CCDC170: variants seen among roughly 807,000 people sequenced by gnomAD.
The protein encoded by CCDC170 is coiled-coil domain-containing protein 170.
CCDC170 carries 69 observed loss-of-function variants against 72.6 expected under a neutral mutation model. The ratio of observed to expected loss-of-function variants is 0.95; its 90% CI spans 0.78 to 1.16. The LOEUF is 1.16. Ranked by LOEUF, CCDC170 falls within the 50% of genes most tolerant of loss-of-function variation. The probability of loss-of-function intolerance (pLI) is 0.00; values close to 1 mark genes in which losing one functional copy is unlikely to be tolerated. For missense variants in CCDC170, 852 were observed against 832.5 expected, an observed-to-expected ratio of 1.02 and a Z score of -0.29; for synonymous variants, 300 against 303.9, an observed-to-expected ratio of 0.99 and a Z score of 0.13.
chr6:151,607,007 T>A (rs547037494), intron 9 of CCDC170, among the ~76,000 whole-genome samples: 2 of 152,292 alleles, frequency 1.3e-5, no homozygotes, highest in East Asian at 3.9e-4. Context: ...ACAGGTGAAG[T>A]TGATTTCTTA....
In CCDC170 at chr6:151,620,024, A is replaced by G. The variant is rs1679204388; in HGVS notation, c.*1877A>G. 6.6e-6 allele frequency: 1 copy of G among 152,126 alleles called. No individual in the cohort carries two copies. The allele number at this position is 152,126 out of a possible 1,614,324, so 9.4% of individuals were successfully genotyped here. A position where few individuals can be genotyped will look rare whatever the true frequency, so the allele number is the denominator to read the frequency against. On this transcript the variant is annotated 3_prime_UTR_variant, in exon 11 of 11. Coordinates refer to ENST00000239374, the MANE Select transcript of CCDC170 (RefSeq NM_025059.4). ...GTGGACTAAGTCCTAGATTATATTA[A>G]AATATTTTTAATTTTTTAAGCTTGA...
chr6:151,597,274 C>T (rs896630457), intron 9 of CCDC170, among the ~76,000 whole-genome samples: 20 of 152,172 alleles, frequency 1.3e-4, no homozygotes, highest in Admixed American at 4.6e-4. Context: ...TACAGGTGTG[C>T]ACCACCATGC....
At position 151,544,696 on chromosome 6, in the gene CCDC170, G is replaced by A. The variant is rs368810420; in HGVS notation, c.568G>A (p.Asp190Asn). 2.5e-6 allele frequency: 4 copies of A among 1,611,946 alleles called. No homozygotes were observed. Among genetic ancestry groups the A allele is most frequent in the Non-Finnish European group, 2.5e-6 (3 of 1,178,242 alleles). Residue 190 changes from aspartate to asparagine, a missense_variant, in exon 4 of 11, where the codon GAT becomes AAT. Physicochemically the swap from Asp to Asn is conservative, Grantham distance 23. Transcript: ENST00000239374. Reference protein sequence around the residue: ...DPDERNDKASDEDLILKLRDL... With the variant: ...DPDERNDKASNEDLILKLRDL... ...AGATGAGAGGAATGACAAGGCATCA[G>A]ATGAAGATTTAATTTTAAAGGTGTC...
At chr6:151,606,632 T>TTA (rs1776789535) in intron 9 of CCDC170, among the ~76,000 whole-genome samples, 1 of 152,222 alleles carries the variant, frequency 6.6e-6, no homozygotes, top group South Asian at 2.1e-4. Context: ...GTTAATTAGG[T>TTA]CAAATTGTTC....
At chr6:151,585,675 A>G (rs190419761) in intron 6 of CCDC170, among the ~76,000 whole-genome samples, 4 of 152,374 alleles carry the variant, frequency 2.6e-5, no homozygotes, top group Admixed American at 2.6e-4. Flanking sequence ...TAAAAATTAA[A>G]AATACCAATC....
chr6:151,503,181 A>C (rs1582999956), intron 1 of CCDC170, among the ~76,000 whole-genome samples: 1 of 152,188 alleles, frequency 6.6e-6, no homozygotes, highest in African/African-American at 2.4e-5. Flanking sequence ...ATTTAAAAAA[A>C]AAAAGTTATA....
At chr6:151,533,116 C>T (rs547391910) in intron 1 of CCDC170, among the ~76,000 whole-genome samples, 386 of 148,710 alleles carry the variant, frequency 2.6e-3, no homozygotes, top group Non-Finnish European at 4.8e-3. Context: ...TGCAGTGGCA[C>T]GGTCTCGGCT....
At position 151,545,148 on chromosome 6, in the gene CCDC170, G is replaced by A. The variant is rs1372238508; in HGVS notation, c.588+432G>A. ...TTAAAACCAAATAGTGGCTGGGCGC[G>A]GTGACTCACGCCTGTAATCCCAGCA... On this transcript the variant is annotated intron_variant, in intron 4 of 10. Transcript: ENST00000239374. Among the ~76,000 whole-genome samples, 5 of 152,150 alleles carry A rather than the reference G, an allele frequency of 3.3e-5. No homozygotes were observed. The East Asian group carries it at 5.8e-4, about 18-fold the overall frequency.
At chr6:151,603,191 G>A (rs1285873429) in intron 9 of CCDC170, among the ~76,000 whole-genome samples, 2 of 152,148 alleles carry the variant, frequency 1.3e-5, no homozygotes, top group African/African-American at 4.8e-5. Context: ...TGCTCATGAT[G>A]CAAGTTCTTT....
intron 1 of CCDC170, among the ~76,000 whole-genome samples, chr6:151,514,368 G>A (rs1344660272): frequency 8.6e-6 from 1 of 116,760 alleles, no homozygotes; most frequent in Non-Finnish European, 1.7e-5. Flanking sequence ...AGGGAGGGAG[G>A]GAGGGAGGAA....
At chr6:151,582,039 T>C (rs570771459) in intron 6 of CCDC170, among the ~76,000 whole-genome samples, 4 of 152,334 alleles carry the variant, frequency 2.6e-5, no homozygotes, top group African/African-American at 9.6e-5. Flanking sequence ...GTCTTCAGAA[T>C]GGTAAATGAG....
chr6:151,555,924 A>G (rs1183683950), intron 5 of CCDC170, among the ~76,000 whole-genome samples: 3 of 152,120 alleles, frequency 2.0e-5, no homozygotes, highest in African/African-American at 4.8e-5. Context: ...GAAAACAAAC[A>G]CCAAATAATA....
intron 5 of CCDC170, among the ~76,000 whole-genome samples, chr6:151,572,384 AG>A (rs1368507012): frequency 6.6e-6 from 1 of 152,146 alleles, no homozygotes; most frequent in Non-Finnish European, 1.5e-5. Flanking sequence ...AATAGCATTG[AG>A]GGGGCATCTT....
At chr6:151,596,660 A>G (rs1430794205) in intron 9 of CCDC170, 83 bp downstream of exon 9, 1 of 1,535,058 alleles carries the variant, frequency 6.5e-7, no homozygotes, top group African/African-American at 1.4e-5. Flanking sequence ...CTTTATCGGG[A>G]CACGCCAGAA....
chr6:151,517,286 C>T (rs1329757728), intron 1 of CCDC170, among the ~76,000 whole-genome samples: 1 of 152,108 alleles, frequency 6.6e-6, no homozygotes, highest in Non-Finnish European at 1.5e-5. Context: ...GAGCCAAGAT[C>T]ACCCCATTGC....
intron 3 of CCDC170, 89 bp from the exon 4 acceptor site, chr6:151,544,483 T>C: frequency 8.2e-7 from 1 of 1,218,444 alleles, no homozygotes; most frequent in Non-Finnish European, 1.1e-6. Flanking sequence ...GACAATTATT[T>C]CCCCCATAGA....
intron 1 of CCDC170, among the ~76,000 whole-genome samples, chr6:151,502,774 T>G (rs985264434): frequency 2.0e-5 from 3 of 152,238 alleles, no homozygotes; most frequent in Non-Finnish European, 4.4e-5. Context: ...TTAGGCACTC[T>G]GTTAGGCACT....
At chr6:151,610,573 C>T (rs1776853991) in intron 9 of CCDC170, among the ~76,000 whole-genome samples, 1 of 152,306 alleles carries the variant, frequency 6.6e-6, no homozygotes, top group South Asian at 2.1e-4. Context: ...AGAACAAGGG[C>T]ATTCATTCTG....
chr6:151,571,426 T>A (rs1776217173), intron 5 of CCDC170, among the ~76,000 whole-genome samples: 1 of 152,188 alleles, frequency 6.6e-6, no homozygotes, highest in Admixed American at 6.5e-5. Flanking sequence ...GAACTTGATG[T>A]TAAAAAATAA....
Sources: allele counts gnomAD v4.1 joint callset (sites outside exome capture counted in the v4.1 genomes callset), GRCh38; gene constraint gnomAD v4.1.1; transcripts MANE v1.5; gene names NCBI Gene and HGNC (gene_info 2026-07-23, HGNC 2026-07-21).